Variants in OSBP2 observed in about 807,000 individuals in gnomAD.
OSBP2 encodes oxysterol binding protein 2, also known as oxysterol-binding protein 2.
Under a neutral mutation model 96.0 loss-of-function variants are expected in OSBP2, and 66 were observed. The ratio of observed to expected loss-of-function variants is 0.69; its 90% CI spans 0.56 to 0.84. OSBP2 has a LOEUF of 0.84. OSBP2 is among the 40% of genes least tolerant of loss of function. The pLI, the probability that OSBP2 is intolerant of heterozygous loss-of-function variation, is 0.00. For missense variants in OSBP2, 1,038 were observed against 1,222.7 expected (o/e 0.85, Z 2.25); for synonymous variants, 525 against 520.9 (o/e 1.01, Z -0.11).
chr22:30,742,064 C>T (rs2145741220), intron 2 of OSBP2, among the ~76,000 whole-genome samples: 1 of 152,088 alleles, frequency 6.6e-6, no homozygotes, highest in African/African-American at 2.4e-5. Context: ...ACGTGATCCG[C>T]CCACTTCAGC....
chr22:30,829,930 A>G (rs2038487116), intron 2 of OSBP2, among the ~76,000 whole-genome samples: 1 of 152,200 alleles, frequency 6.6e-6, no homozygotes, highest in South Asian at 2.1e-4. Flanking sequence ...CGGGGGCCAA[A>G]GTGGGAGCAG....
At chr22:30,827,976 C>T (rs966942851) in intron 2 of OSBP2, among the ~76,000 whole-genome samples, 13 of 152,150 alleles carry the variant, frequency 8.5e-5, no homozygotes, top group Admixed American at 8.5e-4. Flanking sequence ...CATTTAACCG[C>T]GTGTTGGTTG....
intron 2 of OSBP2, among the ~76,000 whole-genome samples, chr22:30,836,159 G>T (rs60486108): frequency 0.049 from 7,406 of 152,198 alleles, 604 homozygotes; most frequent in African/African-American, 0.17. Context: ...TGGGGTGCTC[G>T]CTCTCATTTC....
chr22:30,893,253 G>T lies in OSBP2; in HGVS notation c.1990+11G>T. On this transcript the variant is annotated intron_variant, in intron 9 of 13. Coordinates refer to ENST00000332585, the MANE Select transcript of OSBP2 (RefSeq NM_030758.4). ...CCATCATGCCGCTAGGTGAGCTGGG[G>T]CCCGGTGCCTTCCTGGGACACAGAG... 1 of 1,613,998 alleles carries T rather than the reference G, an allele frequency of 6.2e-7. No homozygotes were observed. Among genetic ancestry groups the T allele is most frequent in the Non-Finnish European group, 8.5e-7 (1 of 1,179,962 alleles).
chr22:30,822,751 C>T lies in OSBP2; in HGVS notation c.854-47678C>T, dbSNP rs1015064841. The T allele has an allele frequency of 1.5e-5, 22 of 1,475,692 alleles. No individual in the cohort carries two copies. The African/African-American group carries it at 2.7e-4, about 18-fold the overall frequency. 91.4% of individuals were successfully genotyped at this position (1,475,692 alleles called of 1,614,324 possible). A position where few individuals can be genotyped will look rare whatever the true frequency, so the allele number is the denominator to read the frequency against. ...CTTCCACCCGGAGGGAGGCCAGGCT[C>T]CCCGCGCATGCACGCCCGGTGCCTG... On this transcript the variant is annotated intron_variant, in intron 2 of 13. Transcript: ENST00000332585.
intron 2 of OSBP2, among the ~76,000 whole-genome samples, chr22:30,799,104 C>A (rs984395160): frequency 2.7e-5 from 4 of 145,694 alleles, no homozygotes; most frequent in Non-Finnish European, 4.5e-5. Flanking sequence ...TTCCTTCCTT[C>A]CTTCCTTCCT....
intron 2 of OSBP2, among the ~76,000 whole-genome samples, chr22:30,823,812 G>A (rs2038337907): frequency 6.6e-6 from 1 of 152,214 alleles, no homozygotes; most frequent in African/African-American, 2.4e-5. Flanking sequence ...CGTCCAAAGT[G>A]TGTGTTCTGG....
At chr22:30,747,545 A>T (rs1362574930) in intron 2 of OSBP2, among the ~76,000 whole-genome samples, 1 of 152,222 alleles carries the variant, frequency 6.6e-6, no homozygotes, top group Admixed American at 6.5e-5. Context: ...TTACATCCAC[A>T]CACACGTATA....
intron 1 of OSBP2, among the ~76,000 whole-genome samples, chr22:30,707,103 A>T (rs2089266588): frequency 6.6e-6 from 1 of 151,732 alleles, no homozygotes; most frequent in South Asian, 2.1e-4. Flanking sequence ...ACTTCAGTGA[A>T]GCTTTTTTTT....
At chr22:30,724,900 G>A (rs905918314) in intron 1 of OSBP2, among the ~76,000 whole-genome samples, 4 of 152,246 alleles carry the variant, frequency 2.6e-5, no homozygotes, top group Non-Finnish European at 1.5e-5. Flanking sequence ...TAAGCCGGGC[G>A]CAGTGGCTCA....
chr22:30,764,956 C>T (rs1242601613), intron 2 of OSBP2, among the ~76,000 whole-genome samples: 1 of 152,170 alleles, frequency 6.6e-6, no homozygotes, highest in Non-Finnish European at 1.5e-5. Context: ...CCTGGGGGAG[C>T]ATGTTAAAAC....
At chr22:30,747,663 C>T (rs182097206) in intron 2 of OSBP2, among the ~76,000 whole-genome samples, 1 of 152,214 alleles carries the variant, frequency 6.6e-6, no homozygotes, top group Non-Finnish European at 1.5e-5. Context: ...TGGCAGCCTC[C>T]TTTCCTCCTC....
At chr22:30,892,340 C>T (rs1260758621) in intron 8 of OSBP2, among the ~76,000 whole-genome samples, 2 of 152,072 alleles carry the variant, frequency 1.3e-5, no homozygotes, top group Admixed American at 6.5e-5. Flanking sequence ...TAACCCATCT[C>T]CTGGGGCATA....
At chr22:30,797,385 C>A (rs553434966) in intron 2 of OSBP2, among the ~76,000 whole-genome samples, 2 of 149,884 alleles carry the variant, frequency 1.3e-5, no homozygotes, top group African/African-American at 2.5e-5. Context: ...TGGCTTCAAG[C>A]GATTCTCCTG....
At chr22:30,844,320 T>C (rs1349968547) in intron 2 of OSBP2, among the ~76,000 whole-genome samples, 4 of 152,216 alleles carry the variant, frequency 2.6e-5, no homozygotes, top group African/African-American at 9.6e-5. Flanking sequence ...TCTGTAGCTA[T>C]GAAAGCCCTA....
chr22:30,703,162 G>A (rs2089190246), intron 1 of OSBP2, among the ~76,000 whole-genome samples: 1 of 150,444 alleles, frequency 6.6e-6, no homozygotes, highest in South Asian at 2.1e-4. Context: ...CAGTGAACCA[G>A]TATCTTATTT....
At chr22:30,705,813 C>T (rs1305413322) in intron 1 of OSBP2, among the ~76,000 whole-genome samples, 1 of 152,172 alleles carries the variant, frequency 6.6e-6, no homozygotes, top group African/African-American at 2.4e-5. Context: ...AGTGACAGAC[C>T]TGCATACCAC....
intron 2 of OSBP2, chr22:30,822,671 C>G (rs2038304345): frequency 3.9e-6 from 6 of 1,533,948 alleles, no homozygotes; most frequent in Middle Eastern, 1.7e-4. Flanking sequence ...TCCGTGCGCT[C>G]CTTCTGCAGC....
Position 30,887,564 on chromosome 22 carries a change from G to T in OSBP2, c.1246G>T (p.Ala416Ser). The T allele has an allele frequency of 6.2e-7, 1 of 1,613,044 alleles. No individual in the cohort carries two copies. The highest frequency in any genetic ancestry group is 8.5e-7 in the Non-Finnish European group (1 of 1,179,828). ...LAKQHNSLER[A>S]FHSAPGRPAN... is the part of the protein sequence containing the mutation. ...GAAGCAGCACAACAGCCTCGAGCGGGCCTTCCACAGTGCCCCTGGCCGGCC... is the reference window on the plus strand; with the variant it reads ...GAAGCAGCACAACAGCCTCGAGCGGTCCTTCCACAGTGCCCCTGGCCGGCC... The change falls in exon 4 of 14, where the codon GCC becomes TCC. Residue 416 changes from alanine (A) to serine (S), a missense_variant. Transcript: ENST00000332585.
Sources: allele counts gnomAD v4.1 joint callset (sites outside exome capture counted in the v4.1 genomes callset), GRCh38; gene constraint gnomAD v4.1.1; transcripts MANE v1.5; gene names NCBI Gene and HGNC (gene_info 2026-07-23, HGNC 2026-07-21).